Variants in NDE1 observed in about 807,000 individuals in gnomAD.
NDE1 encodes nudE neurodevelopment protein 1.
In NDE1, 28 loss-of-function variants were observed where a neutral mutation model predicts 43.4. The observed-to-expected ratio is 0.65, with a 90% CI of 0.48 to 0.89. NDE1 has a LOEUF of 0.89. NDE1 is among the 40% of genes least tolerant of loss of function. The pLI is 0.00. For missense variants in NDE1, 441 were observed against 434.1 expected (o/e 1.02, Z -0.14); for synonymous variants, 184 against 172.0 (o/e 1.07, Z -0.55).
chr16:15,673,849 G>C (rs1054811157), intron 3 of NDE1, among the ~76,000 whole-genome samples: 2 of 152,208 alleles, frequency 1.3e-5, no homozygotes, highest in Non-Finnish European at 2.9e-5. Flanking sequence ...AGCAGGAATA[G>C]AATCGAGAGA....
At chr16:15,685,204 T>G (rs2038377886) in intron 4 of NDE1, among the ~76,000 whole-genome samples, 1 of 152,226 alleles carries the variant, frequency 6.6e-6, no homozygotes, top group Non-Finnish European at 1.5e-5. Flanking sequence ...TTTAACTGTT[T>G]CTGGTATTGT....
chr16:15,683,218 CTT>C (rs1009249029), intron 4 of NDE1: 4 of 152,116 alleles, frequency 2.6e-5, no homozygotes, highest in African/African-American at 9.7e-5. Context: ...CAGTATATCT[CTT>C]TATATTTACT....
Position 15,691,162 on chromosome 16 carries a change from C to G in NDE1, c.542C>G (p.Ala181Gly). 6.2e-7 allele frequency: 1 copy of G among 1,614,048 alleles called. No homozygotes were observed. The highest frequency in any genetic ancestry group is 8.5e-7 in the Non-Finnish European group (1 of 1,180,022). Residue 181 changes from alanine (A) to glycine (G), a missense_variant, in exon 6 of 9, where the codon GCC becomes GGC. Physicochemically the swap from Ala to Gly is moderately conservative, Grantham distance 60 (BLOSUM62 0). Coordinates refer to ENST00000396354, the MANE Select transcript of NDE1 (RefSeq NM_017668.3). ...GGCACAGATTTGCGGCAGGAACTGG[C>G]CGTGCAGCAGAAGCAGGAGAAACCC... ...DEARDLRQEL[A>G]VQQKQEKPRT...
chr16:15,669,555 T>C (rs952663144), intron 3 of NDE1, among the ~76,000 whole-genome samples: 3 of 151,698 alleles, frequency 2.0e-5, no homozygotes, highest in East Asian at 1.9e-4. Flanking sequence ...AGAGATGGGG[T>C]TTCACCATGT....
intron 1 of NDE1, among the ~76,000 whole-genome samples, chr16:15,661,083 G>C (rs2037021023): frequency 6.6e-6 from 1 of 151,876 alleles, no homozygotes; most frequent in Admixed American, 6.6e-5. Context: ...TCATGGACAT[G>C]TCAAGCTGTG....
chr16:15,704,074 T>A, intron 8 of NDE1: 1 of 1,614,184 alleles, frequency 6.2e-7, no homozygotes, highest in Non-Finnish European at 8.5e-7. Context: ...TCAATAACTC[T>A]ACGTCCTCCA....
At chr16:15,654,998 C>G (rs570237536) in intron 1 of NDE1, among the ~76,000 whole-genome samples, 2 of 151,870 alleles carry the variant, frequency 1.3e-5, no homozygotes, top group Non-Finnish European at 2.9e-5. Context: ...TGCAATAGAA[C>G]TTTCTGACGT....
At chr16:15,712,199 A>C (rs2039841415) in intron 8 of NDE1, among the ~76,000 whole-genome samples, 1 of 152,170 alleles carries the variant, frequency 6.6e-6, no homozygotes, top group African/African-American at 2.4e-5. Context: ...GTTTGGTGTG[A>C]GCTGCCTATT....
At position 15,686,292 on chromosome 16, in the gene NDE1, C is replaced by G. The variant is rs1359329230; in HGVS notation, c.387-1083C>G. The G allele has an allele frequency of 3.6e-6, 3 of 842,656 alleles. No homozygotes were observed. In the African/African-American group the frequency reaches 5.5e-5, roughly 16 times the overall value. 52.2% of individuals were successfully genotyped at this position (842,656 alleles called of 1,614,324 possible). ...CCACCCCTTCCCCACCACAATCCTG[C>G]ATGAAGGTTACTATTACTATCCTTG... is the stretch of plus-strand genomic sequence containing the variant. On this transcript the variant is annotated intron_variant, in intron 4 of 8. Transcript: ENST00000396354.
At chr16:15,722,436 G>A (rs1035468690) in intron 8 of NDE1, among the ~76,000 whole-genome samples, 7 of 152,156 alleles carry the variant, frequency 4.6e-5, no homozygotes, top group Non-Finnish European at 7.3e-5. Context: ...ATTATAAATT[G>A]TAACATCCAA....
intron 4 of NDE1, among the ~76,000 whole-genome samples, chr16:15,678,402 G>A (rs1208999454): frequency 6.6e-6 from 1 of 152,040 alleles, no homozygotes; most frequent in African/African-American, 2.4e-5. Flanking sequence ...GAGAGTCTCT[G>A]TCGCCAGGTT....
At chr16:15,660,365 C>T (rs575666379) in intron 1 of NDE1, among the ~76,000 whole-genome samples, 1 of 151,930 alleles carries the variant, frequency 6.6e-6, no homozygotes, top group Non-Finnish European at 1.5e-5. Context: ...CCCAGCTAGT[C>T]AGGAGGCTGA....
intron 8 of NDE1, chr16:15,713,965 C>G (rs948414500): frequency 2.0e-5 from 3 of 152,312 alleles, no homozygotes; most frequent in African/African-American, 7.2e-5. Flanking sequence ...AAGGTGGCAC[C>G]AGGCAGACAA....
chr16:15,711,710 T>TC (rs1483485714), intron 8 of NDE1, among the ~76,000 whole-genome samples: 2 of 152,112 alleles, frequency 1.3e-5, no homozygotes, highest in African/African-American at 4.8e-5. Flanking sequence ...ATTTTTTTTT[T>TC]GAGACCGAGT....
chr16:15,658,758 G>A (rs117876551), intron 1 of NDE1, among the ~76,000 whole-genome samples: 6,733 of 152,264 alleles, frequency 0.044, 219 homozygotes, highest in Middle Eastern at 0.088. Flanking sequence ...CCGGGTTCAA[G>A]CGATTCTCAT....
intron 8 of NDE1, chr16:15,703,488 A>G (rs1385377594): frequency 1.5e-5 from 4 of 272,974 alleles, no homozygotes; most frequent in Non-Finnish European, 2.8e-5. Context: ...TGCACAATCC[A>G]TTGATAGAAC....
At chr16:15,673,753 C>A (rs1158348608) in intron 3 of NDE1, among the ~76,000 whole-genome samples, 6 of 152,096 alleles carry the variant, frequency 3.9e-5, no homozygotes. Context: ...GCTAATATGC[C>A]TCTGCCACCT....
chr16:15,724,017 G>A, intron 8 of NDE1, 174 bp from the exon 9 acceptor site: 1 of 1,412,188 alleles, frequency 7.1e-7, no homozygotes, highest in Admixed American at 1.8e-5. Flanking sequence ...GGTCGCCCAA[G>A]ACAAGATAAG....
intron 8 of NDE1, chr16:15,718,304 G>C: frequency 3.1e-6 from 5 of 1,608,214 alleles, no homozygotes; most frequent in Non-Finnish European, 4.2e-6. Context: ...TGGTGTCCAG[G>C]CGGCCCTCAC....
Sources: allele counts gnomAD v4.1 joint callset (sites outside exome capture counted in the v4.1 genomes callset), GRCh38; gene constraint gnomAD v4.1.1; transcripts MANE v1.5; gene names NCBI Gene and HGNC (gene_info 2026-07-23, HGNC 2026-07-21).